Variants in TSPAN14 observed in about 807,000 individuals in gnomAD.
TSPAN14 encodes tetraspanin 14.
In TSPAN14, 16 loss-of-function variants were observed where a neutral mutation model predicts 36.6. The ratio of observed to expected loss-of-function variants is 0.44; its 90% CI spans 0.30 to 0.66. The LOEUF is 0.66. Among genes scored for constraint, TSPAN14 ranks in the 30% least tolerant of loss-of-function variants. The pLI is 0.12. For synonymous variants in TSPAN14, 139 were observed against 143.8 expected (o/e 0.97, Z 0.24); for missense variants, 231 against 355.1 (o/e 0.65, Z 2.81).
intron 2 of TSPAN14, among the ~76,000 whole-genome samples, chr10:80,492,607 GA>G (rs1847979152): frequency 1.3e-5 from 2 of 152,266 alleles, no homozygotes; most frequent in Admixed American, 6.5e-5. Context: ...ACGAGGTCAG[GA>G]GATCAAGACC....
chr10:80,475,382 A>G (rs530511963), intron 1 of TSPAN14, among the ~76,000 whole-genome samples: 45 of 152,330 alleles, frequency 3.0e-4, no homozygotes, highest in South Asian at 6.2e-4. Flanking sequence ...CCTGGGCAAC[A>G]TAGTGAAACC....
intron 8 of TSPAN14, among the ~76,000 whole-genome samples, chr10:80,516,534 T>C (rs924830004): frequency 6.6e-6 from 1 of 152,104 alleles, no homozygotes; most frequent in East Asian, 1.9e-4. Context: ...ACGCTACCTA[T>C]AGGGGGGCCC....
intron 2 of TSPAN14, among the ~76,000 whole-genome samples, chr10:80,490,192 G>C (rs1847847396): frequency 6.6e-6 from 1 of 152,236 alleles, no homozygotes; most frequent in Non-Finnish European, 1.5e-5. Context: ...ACCAGGTTCT[G>C]AGATGGGATT....
intron 2 of TSPAN14, among the ~76,000 whole-genome samples, chr10:80,496,502 T>C (rs10881600): frequency 0.51 from 77,859 of 152,046 alleles, 20,411 homozygotes; most frequent in East Asian, 0.83. Context: ...TGGGGTTCAT[T>C]GGGCCTTTGA....
Position 80,461,135 on chromosome 10 carries a change from C to T in TSPAN14, c.-18+6764C>T, listed in dbSNP as rs139631150. Reference sequence around the variant, plus strand: ...TGAGGCTCCTCCTTTTCTCTCTGGCCCTCCTGTCTACTTGATCAGACTCTG... The same window carrying T: ...TGAGGCTCCTCCTTTTCTCTCTGGCTCTCCTGTCTACTTGATCAGACTCTG... On this transcript the variant is annotated intron_variant, in intron 1 of 8. Coordinates refer to ENST00000429989, the Ensembl canonical transcript of TSPAN14. Among the ~76,000 whole-genome samples the T allele has an allele frequency of 1.3e-4, 20 of 152,212 alleles. 1 individual carries two copies. In the East Asian group the frequency reaches 3.7e-3, roughly 28 times the overall value.
intron 4 of TSPAN14, 129 bp downstream of exon 4, chr10:80,507,503 A>T (rs750533766): frequency 7.9e-7 from 1 of 1,270,072 alleles, no homozygotes; most frequent in South Asian, 1.4e-5. Context: ...CCTGCCTGGG[A>T]GCAGGAGGCA....
At chr10:80,508,611 C>T (rs1245667030) in intron 4 of TSPAN14, among the ~76,000 whole-genome samples, 5 of 152,120 alleles carry the variant, frequency 3.3e-5, no homozygotes, top group Non-Finnish European at 1.5e-5. Context: ...TGGCCTGGGG[C>T]AGCTGAGCTT....
intron 1 of TSPAN14, among the ~76,000 whole-genome samples, chr10:80,478,591 A>G (rs1167914264): frequency 6.6e-6 from 1 of 152,228 alleles, no homozygotes; most frequent in African/African-American, 2.4e-5. Context: ...TACAAGTTAC[A>G]CAGAGAAAGA....
In TSPAN14 at chr10:80,480,995, C is replaced by T. The variant is rs191203255; in HGVS notation, c.-17-8222C>T. Among the ~76,000 whole-genome samples, 3 of 152,222 alleles carry T rather than the reference C, an allele frequency of 2.0e-5. No homozygotes were observed. The East Asian group carries it at 5.8e-4, about 29-fold the overall frequency. On this transcript the variant is annotated intron_variant, in intron 1 of 8. Coordinates refer to ENST00000429989, the Ensembl canonical transcript of TSPAN14. ...GTGGTGCATGCCTGTATCCTAGCTA[C>T]TCCAGAGGCTGAGGCAGGAGAATCT...
exon 9 of TSPAN14, chr10:80,520,909 T>C (rs1320927332): frequency 4.0e-6 from 2 of 495,024 alleles, no homozygotes; most frequent in African/African-American, 3.9e-5. Context: ...CTCTCCCATA[T>C]GTCTGCTTAG....
At chr10:80,471,780 G>A (rs1846565356) in intron 1 of TSPAN14, among the ~76,000 whole-genome samples, 1 of 152,186 alleles carries the variant, frequency 6.6e-6, no homozygotes, top group South Asian at 2.1e-4. Context: ...TGTGGGGTGA[G>A]TGGCAGGTGT....
chr10:80,492,070 C>A (rs1564730776), intron 2 of TSPAN14, among the ~76,000 whole-genome samples: 1 of 152,212 alleles, frequency 6.6e-6, no homozygotes, highest in East Asian at 1.9e-4. Context: ...AGCTGAGTGA[C>A]CTGGCTAAGC....
chr10:80,488,416 G>GC (rs1272622427), intron 1 of TSPAN14, among the ~76,000 whole-genome samples: 1 of 152,164 alleles, frequency 6.6e-6, no homozygotes, highest in African/African-American at 2.4e-5. Context: ...AAAAACAGTG[G>GC]CCCCACCCTT....
At chr10:80,466,293 G>A in intron 1 of TSPAN14, 1 of 152,246 alleles carries the variant, frequency 6.6e-6, no homozygotes. Flanking sequence ...TTGCTCTGTT[G>A]CCCAGGCTGG....
intron 2 of TSPAN14, among the ~76,000 whole-genome samples, chr10:80,491,248 G>C (rs530611940): frequency 5.3e-5 from 8 of 152,254 alleles, no homozygotes; most frequent in Admixed American, 4.6e-4. Context: ...ATTTGATGTG[G>C]TGCCTCTGGG....
chr10:80,510,869 G>A (rs575449411), intron 5 of TSPAN14, among the ~76,000 whole-genome samples: 4 of 152,084 alleles, frequency 2.6e-5, no homozygotes, highest in African/African-American at 7.2e-5. Context: ...GCAAGACTCC[G>A]TCTCAAAAAA....
exon 6 of TSPAN14, chr10:80,512,163 A>G (rs768793005): frequency 1.2e-6 from 2 of 1,614,196 alleles, no homozygotes; most frequent in Non-Finnish European, 1.7e-6. Flanking sequence ...TGTGGCGCAT[A>G]TGGCCCTGAA....
Position 80,509,729 on chromosome 10 carries a change from G to A in TSPAN14, c.450+258G>A, listed in dbSNP as rs1429551515. 5 of 474,478 alleles carry A rather than the reference G, an allele frequency of 1.1e-5. No individual in the cohort carries two copies. In the Admixed American group the frequency reaches 1.5e-4, roughly 15 times the overall value. The allele number at this position is 474,478 out of a possible 1,614,324, so 29.4% of individuals were successfully genotyped here. A position where few individuals can be genotyped will look rare whatever the true frequency, so the allele number is the denominator to read the frequency against. On this transcript the variant is annotated intron_variant, in intron 5 of 8. Transcript: ENST00000429989. This position sits in a 1 kb window ranked among gnomAD's most constrained non-coding sequence, Gnocchi z 4.7. ...GTACCCGAGGCCACCCACCCCCCAC[G>A]TGCCCGGCCCTCCTCTTTCGGCCCC...
At chr10:80,507,347 G>T (rs1840356755) in exon 4 of TSPAN14, 1 of 1,614,236 alleles carries the variant, frequency 6.2e-7, no homozygotes, top group Non-Finnish European at 8.5e-7. Flanking sequence ...TGGGGGCTCT[G>T]CGGGAGAATA....
Sources: gnomAD v4.1 joint callset for allele counts (sites outside exome capture counted in the v4.1 genomes callset) on GRCh38, gnomAD v4.1.1 for gene constraint, Gnocchi (gnomAD v3.1) non-coding constraint, MANE v1.5 for transcripts, NCBI Gene and HGNC (gene_info 2026-07-23, HGNC 2026-07-21) for gene names.